ERMARD: variants seen among roughly 807,000 people sequenced by gnomAD.
ERMARD encodes ER membrane associated RNA degradation.
A neutral mutation model predicts 83.9 loss-of-function variants in ERMARD; 71 were observed. The ratio of observed to expected loss-of-function variants is 0.85; its 90% CI spans 0.70 to 1.03. ERMARD has a LOEUF of 1.03. ERMARD is among the 50% of genes least tolerant of loss of function. ERMARD has a pLI of 0.00. For synonymous variants in ERMARD, 284 were observed against 298.6 expected (o/e 0.95, Z 0.50); for missense variants, 838 against 810.9 (o/e 1.03, Z -0.41).
chr6:169,751,629 A>T lies in ERMARD; in HGVS notation c.-29A>T, dbSNP rs773523861. The T allele has an allele frequency of 1.0e-4, 165 of 1,574,432 alleles. No homozygotes were observed. Among genetic ancestry groups the T allele is most frequent in the Middle Eastern group, 6.7e-4 (4 of 5,934 alleles). On this transcript the variant is annotated 5_prime_UTR_variant, in exon 1 of 18. Transcript: ENST00000366773. ...GGGCGCGCAGGCGCCTGCGTCATTC[A>T]CGCGCGCCGCAGCGGGGCACCGGAA...
intron 16 of ERMARD, among the ~76,000 whole-genome samples, chr6:169,778,669 T>A (rs1173625243): frequency 6.6e-6 from 1 of 152,258 alleles, no homozygotes; most frequent in Non-Finnish European, 1.5e-5. Flanking sequence ...GGTCATTCTC[T>A]TACTACCACT....
In ERMARD at chr6:169,776,021, GA is replaced by G. The variant is rs1344400756; in HGVS notation, c.1478del (p.Asn493IlefsTer5). ...TDELYHHMPENRCVLKDLDRL... is the reference protein window; with the variant it reads ...TDELYHHMPEXRCVLKDLDRL... ...ATGAGCTGTATCACCATATGCCTGA[GA>G]ATCGTTGTGTGTTAAAGGACTTGGA... On this transcript the variant is annotated frameshift_variant, in exon 15 of 18. Transcript: ENST00000366773. LOFTEE classifies it high-confidence loss of function. 3 of 1,614,212 alleles carry G rather than the reference GA, an allele frequency of 1.9e-6. No homozygotes were observed. Among genetic ancestry groups the G allele is most frequent in the Non-Finnish European group, 2.5e-6 (3 of 1,180,034 alleles).
In ERMARD at chr6:169,751,622, G is replaced by A. The variant is rs1047958768; in HGVS notation, c.-36G>A. On this transcript the variant is annotated 5_prime_UTR_variant, in exon 1 of 18. Transcript: ENST00000366773. Reference sequence around the variant, plus strand: ...GGAGGAGGGGCGCGCAGGCGCCTGCGTCATTCACGCGCGCCGCAGCGGGGC... The same window carrying A: ...GGAGGAGGGGCGCGCAGGCGCCTGCATCATTCACGCGCGCCGCAGCGGGGC... The A allele has an allele frequency of 3.2e-6, 5 of 1,578,832 alleles. 1 individual carries two copies. Among genetic ancestry groups the A allele is most frequent in the Middle Eastern group, 1.7e-4 (1 of 5,930 alleles).
At chr6:169,770,809 C>A (rs1008660991) in intron 12 of ERMARD, 2 of 151,060 alleles carry the variant, frequency 1.3e-5, no homozygotes, top group Non-Finnish European at 3.0e-5. Context: ...ATTTTCATTT[C>A]TTTTTTTATG....
intron 6 of ERMARD, 54 bp from the exon 7 acceptor site, chr6:169,759,784 T>C: frequency 6.7e-7 from 1 of 1,492,990 alleles, no homozygotes; most frequent in Non-Finnish European, 9.2e-7. Context: ...AGTGAAGCTT[T>C]TTATAGGCAT....
rs911741481 is a variant in ERMARD at position 169,776,822 on chromosome 6, T to G, written c.1739+149T>G. The G allele has an allele frequency of 2.5e-5, 23 of 929,078 alleles. No homozygotes were observed. In the Admixed American group the frequency reaches 4.9e-4, roughly 20 times the overall value. 57.6% of individuals were successfully genotyped at this position (929,078 alleles called of 1,614,324 possible). On this transcript the variant is annotated intron_variant, in intron 16 of 17. Transcript: ENST00000366773. ...GATATACTTGGAGTCCACAACTGAG[T>G]GTGAACCCAAAGTATCTGAGACAGG... is the stretch of plus-strand genomic sequence containing the variant.
chr6:169,755,765 C>T (rs1790742539), intron 3 of ERMARD: 1 of 193,332 alleles, frequency 5.2e-6, no homozygotes, highest in African/African-American at 2.3e-5. Context: ...GACAGTGGGG[C>T]CTGGAGACCA....
intron 17 of ERMARD, among the ~76,000 whole-genome samples, chr6:169,781,101 G>A (rs988419254): frequency 2.6e-5 from 4 of 152,198 alleles, no homozygotes; most frequent in South Asian, 2.1e-4. Context: ...AGGTGCTTGC[G>A]TTGGAGCCTG....
Position 169,759,760 on chromosome 6 carries a change from T to C in ERMARD, c.606-78T>C, listed in dbSNP as rs892168682. ...TTAACTTTGCTTTCTTAATTTTAAA[T>C]TTGTATTTTTCACAGTGAAGCTTTT... is the stretch of plus-strand genomic sequence containing the variant. On this transcript the variant is annotated intron_variant, in intron 6 of 17. Transcript: ENST00000366773. 2.2e-6 allele frequency: 3 copies of C among 1,352,444 alleles called. No individual in the cohort carries two copies. In the African/African-American group the frequency reaches 4.4e-5, roughly 20 times the overall value. The allele number at this position is 1,352,444 out of a possible 1,614,324, so 83.8% of individuals were successfully genotyped here. A position where few individuals can be genotyped will look rare whatever the true frequency, so the allele number is the denominator to read the frequency against.
intron 12 of ERMARD, 198 bp from the exon 13 acceptor site, chr6:169,773,121 C>T: frequency 1.9e-6 from 1 of 522,096 alleles, no homozygotes; most frequent in South Asian, 3.1e-5. Flanking sequence ...TTAATGGCCT[C>T]CATTTAAAAT....
intron 16 of ERMARD, among the ~76,000 whole-genome samples, chr6:169,778,937 A>G (rs1158992792): frequency 6.6e-6 from 1 of 152,222 alleles, no homozygotes; most frequent in African/African-American, 2.4e-5. Context: ...CGGGCGCCTC[A>G]GATGGTGACT....
chr6:169,760,714 T>C lies in ERMARD; in HGVS notation c.815T>C (p.Leu272Ser). 1 of 1,614,034 alleles carries C rather than the reference T, an allele frequency of 6.2e-7. No individual in the cohort carries two copies. The highest frequency in any genetic ancestry group is 8.5e-7 in the Non-Finnish European group (1 of 1,179,906). Residue 272 changes from leucine (L) to serine (S), a missense_variant, in exon 8 of 18, where the codon TTA becomes TCA. Transcript: ENST00000366773. ...MKSAFILKIMLPYWEVALVKF... is the reference protein window; with the variant it reads ...MKSAFILKIMSPYWEVALVKF... ...TCTGCTTTTATATTAAAAATCATGT[T>C]ACCATATTGGGAAGTTGCACTGGTC... is the stretch of plus-strand genomic sequence containing the variant.
chr6:169,781,589 G>A lies in ERMARD; in HGVS notation c.*76G>A. The A allele has an allele frequency of 7.3e-7, 1 of 1,364,642 alleles. No homozygotes were observed. The highest frequency in any genetic ancestry group is 9.9e-7 in the Non-Finnish European group (1 of 1,012,906). 84.5% of individuals were successfully genotyped at this position (1,364,642 alleles called of 1,614,324 possible). On this transcript the variant is annotated 3_prime_UTR_variant, in exon 18 of 18. Coordinates refer to ENST00000366773, the MANE Select transcript of ERMARD (RefSeq NM_018341.3). ...AAATTAAAAACCCAAAGACAGGGTG[G>A]AGTTGAGGGTCTGCTTGGCCAGGGT...
intron 12 of ERMARD, 167 bp from the exon 13 acceptor site, chr6:169,773,152 G>A: frequency 1.8e-6 from 1 of 544,158 alleles, no homozygotes; most frequent in East Asian, 2.9e-5. Context: ...GCTGTCATTT[G>A]CCTGCCATGT....
intron 9 of ERMARD, among the ~76,000 whole-genome samples, chr6:169,765,312 T>C (rs1029744629): frequency 2.0e-5 from 3 of 152,282 alleles, no homozygotes; most frequent in Non-Finnish European, 4.4e-5. Flanking sequence ...GATCAGTTTT[T>C]AAGGCAGTAC....
intron 3 of ERMARD, 194 bp downstream of exon 3, chr6:169,755,616 C>T: frequency 1.6e-6 from 1 of 611,636 alleles, no homozygotes; most frequent in Non-Finnish European, 2.8e-6. Context: ...CCCCTTGGAA[C>T]ACAGGAAGGT....
At chr6:169,751,387 C>T (rs1463087093), upstream of ERMARD, 13 of 1,614,184 alleles carry the variant, frequency 8.1e-6, no homozygotes, top group South Asian at 4.4e-5. Flanking sequence ...TAGGCGTCAC[C>T]GGAGCCTGCT....
chr6:169,776,984 A>G (rs986027430), intron 16 of ERMARD, among the ~76,000 whole-genome samples: 2 of 152,236 alleles, frequency 1.3e-5, no homozygotes, highest in Non-Finnish European at 2.9e-5. Context: ...ATAAGACATC[A>G]GTCCGCAGGT....
chr6:169,758,906 C>A, intron 5 of ERMARD, 62 bp from the exon 6 acceptor site: 2 of 1,412,726 alleles, frequency 1.4e-6, no homozygotes, highest in South Asian at 2.4e-5. Context: ...ATGTTATCTT[C>A]ATACTATATT....
Sources: gnomAD v4.1 joint callset for allele counts (sites outside exome capture counted in the v4.1 genomes callset) on GRCh38, gnomAD v4.1.1 for gene constraint, MANE v1.5 for transcripts, NCBI Gene and HGNC (gene_info 2026-07-23, HGNC 2026-07-21) for gene names.